Variants in ANO1 observed in about 807,000 individuals in gnomAD.
ANO1 encodes anoctamin-1.
A neutral mutation model predicts 124.0 loss-of-function variants in ANO1; 59 were observed. That is an observed-to-expected ratio of 0.48 (90% CI 0.39 to 0.59). The LOEUF is 0.59. ANO1 is among the 20% of genes least tolerant of loss of function. The probability of loss-of-function intolerance (pLI) is 0.00; values close to 1 mark genes in which losing one functional copy is unlikely to be tolerated. For missense variants in ANO1, 1,059 were observed against 1,328.0 expected (o/e 0.80, Z 3.15); for synonymous variants, 529 against 532.0 (o/e 0.99, Z 0.08).
chr11:70,085,778 C>G, intron 1 of ANO1: 1 of 1,307,770 alleles, frequency 7.6e-7, no homozygotes, highest in Non-Finnish European at 1.0e-6. Context: ...CTCTCCCCCA[C>G]TGCAGTGCTG....
chr11:70,093,898 C>G (rs2044738095), intron 2 of ANO1, among the ~76,000 whole-genome samples: 1 of 152,236 alleles, frequency 6.6e-6, no homozygotes, highest in African/African-American at 2.4e-5. Context: ...CCCAGCCCCT[C>G]TGAGAGCCCG....
At chr11:70,010,426 A>C (rs1272984688) in intron 1 of ANO1, among the ~76,000 whole-genome samples, 6 of 151,546 alleles carry the variant, frequency 4.0e-5, no homozygotes, top group Admixed American at 3.9e-4. Context: ...CCTCACCCCT[A>C]GGGAGGGCAC....
At position 70,185,647 on chromosome 11, in the gene ANO1, C is replaced by T. The variant is rs2049090292; in HGVS notation, c.2646C>T (p.Asp882=). 1 of 1,613,950 alleles carries T rather than the reference C, an allele frequency of 6.2e-7. No homozygotes were observed. The highest frequency in any genetic ancestry group is 8.5e-7 in the Non-Finnish European group (1 of 1,179,850). Residue 882 remains aspartate, a synonymous_variant, in exon 25 of 26, where the codon GAC becomes GAT. Transcript: ENST00000355303. The part of the protein sequence containing the change: ...WSENKYDISK[D]FWAVLAARLA... ...AAAACAAGTACGACATCTCCAAGGA[C>T]TTCTGGGCCGTCCTGGCAGCCCGGC...
intron 1 of ANO1, among the ~76,000 whole-genome samples, chr11:70,047,980 G>C (rs868932662): frequency 2.0e-5 from 3 of 152,312 alleles, no homozygotes; most frequent in South Asian, 4.1e-4. Flanking sequence ...AAATGCTCCA[G>C]CTTCCTGGAT....
At chr11:70,095,303 A>AGAAGGAAGGAAGGAAG (rs2044837013) in intron 2 of ANO1, among the ~76,000 whole-genome samples, 1 of 36,766 alleles carries the variant, frequency 2.7e-5, no homozygotes, top group African/African-American at 1.1e-4. Flanking sequence ...AAGGAAGGAA[A>AGAAGGAAGGAAGGAAG]GAAAGAAAGA....
chr11:70,155,857 G>A (rs2047791342), intron 14 of ANO1, 54 bp from the exon 15 acceptor site: 1 of 1,484,566 alleles, frequency 6.7e-7, no homozygotes, highest in Admixed American at 2.6e-5. Flanking sequence ...CGCGGTCTGC[G>A]GTGCCGCCTC....
At position 70,182,637 on chromosome 11, in the gene ANO1, A is replaced by G. The variant is rs1464098439; in HGVS notation, c.2539A>G (p.Thr847Ala). 2 of 1,612,608 alleles carry G rather than the reference A, an allele frequency of 1.2e-6. No individual in the cohort carries two copies. The highest frequency in any genetic ancestry group is 4.5e-5 in the East Asian group (2 of 44,818). The change falls in exon 24 of 26, where the codon ACG becomes GCG. Residue 847 changes from threonine (T) to alanine (A), a missense_variant. Transcript: ENST00000355303. ...SFNVSDFQNGTAPNDPLDLGY... is the reference protein window; with the variant it reads ...SFNVSDFQNGAAPNDPLDLGY... ...CAACGTCAGTGACTTCCAGAACGGC[A>G]CGGCCCCCAATGACCCCCTGGACCT...
chr11:70,135,573 G>A lies in ANO1; in HGVS notation c.1258+3494G>A, dbSNP rs551022316. ...CCTGGCTGGTGTTCTTCTCTACAGC[G>A]GACTCCAAAGGCACCCACTTTTGTG... On this transcript the variant is annotated intron_variant, in intron 11 of 25. Coordinates refer to ENST00000355303, the MANE Select transcript of ANO1 (RefSeq NM_018043.7). 5.8e-4 allele frequency among the ~76,000 whole-genome samples: 88 copies of A among 152,304 alleles called. 1 individual carries two copies. Among genetic ancestry groups the A allele is most frequent in the African/African-American group, 2.0e-3 (82 of 41,570 alleles).
At chr11:70,001,127 GGC>G (rs1856375488) in intron 1 of ANO1, among the ~76,000 whole-genome samples, 1 of 152,226 alleles carries the variant, frequency 6.6e-6, no homozygotes, top group African/African-American at 2.4e-5. Context: ...CACTTCTGGA[GGC>G]TGCTCCTGGG....
At chr11:70,031,504 C>A (rs782198542) in intron 1 of ANO1, among the ~76,000 whole-genome samples, 3 of 152,226 alleles carry the variant, frequency 2.0e-5, no homozygotes, top group Admixed American at 1.3e-4. Flanking sequence ...TCTTTCCCAT[C>A]CCCTTGCCTC....
At chr11:70,033,113 G>A (rs1565165331) in intron 1 of ANO1, among the ~76,000 whole-genome samples, 1 of 152,156 alleles carries the variant, frequency 6.6e-6, no homozygotes, top group Non-Finnish European at 1.5e-5. Context: ...AAAGACAAGA[G>A]CTCGGTGATG....
intron 1 of ANO1, among the ~76,000 whole-genome samples, chr11:70,044,266 CAT>C (rs1416667319): frequency 6.6e-6 from 1 of 151,994 alleles, no homozygotes. Context: ...AAAAAGCACA[CAT>C]GTGCTGTATA....
intron 1 of ANO1, among the ~76,000 whole-genome samples, chr11:70,083,619 T>A (rs1435816921): frequency 6.6e-6 from 1 of 152,194 alleles, no homozygotes; most frequent in African/African-American, 2.4e-5. Flanking sequence ...CTCCTTAGTG[T>A]AATTTCCCTG....
At chr11:70,103,809 C>A (rs561488840) in intron 3 of ANO1, among the ~76,000 whole-genome samples, 190 bp from the exon 4 acceptor site, 2 of 152,234 alleles carry the variant, frequency 1.3e-5, no homozygotes, top group South Asian at 4.2e-4. Flanking sequence ...TTTGGCTGGG[C>A]GCTCCTGAAA....
intron 11 of ANO1, among the ~76,000 whole-genome samples, chr11:70,133,928 CTG>C (rs1265329501): frequency 6.6e-6 from 1 of 152,254 alleles, no homozygotes; most frequent in Non-Finnish European, 1.5e-5. Flanking sequence ...CTCACCAACA[CTG>C]TATCTCATTC....
At chr11:70,017,748 G>A (rs1253381472) in intron 1 of ANO1, among the ~76,000 whole-genome samples, 1 of 151,692 alleles carries the variant, frequency 6.6e-6, no homozygotes, top group African/African-American at 2.4e-5. Context: ...TGAACTCCCT[G>A]GGCTCAAGCA....
chr11:70,145,627 A>G (rs534491454), intron 11 of ANO1, among the ~76,000 whole-genome samples: 1 of 152,224 alleles, frequency 6.6e-6, no homozygotes, highest in South Asian at 2.1e-4. Context: ...CACAGTACAA[A>G]TTTTAGAGCA....
At chr11:70,080,784 CG>C (rs2044177769) in intron 1 of ANO1, among the ~76,000 whole-genome samples, 1 of 152,188 alleles carries the variant, frequency 6.6e-6, no homozygotes, top group African/African-American at 2.4e-5. Flanking sequence ...ATCAGAGGCG[CG>C]CGCTGTGGGA....
At chr11:69,987,976 G>C (rs1443360451) in intron 1 of ANO1, among the ~76,000 whole-genome samples, 1 of 152,170 alleles carries the variant, frequency 6.6e-6, no homozygotes, top group Non-Finnish European at 1.5e-5. Flanking sequence ...GTGTGGGGTG[G>C]AATCGTGCCC....
Sources: allele counts gnomAD v4.1 joint callset (sites outside exome capture counted in the v4.1 genomes callset), GRCh38; gene constraint gnomAD v4.1.1; transcripts MANE v1.5; gene names NCBI Gene and HGNC (gene_info 2026-07-23, HGNC 2026-07-21).